FHIT: variants seen among roughly 807,000 people sequenced by gnomAD.
FHIT encodes the protein fragile histidine triad diadenosine triphosphatase.
In FHIT, 19 loss-of-function variants were observed where a neutral mutation model predicts 17.9. That is an observed-to-expected ratio of 1.06 (90% CI 0.74 to 1.56). The LOEUF (loss-of-function observed/expected upper bound fraction) is 1.56. FHIT is among the 40% of genes most tolerant of loss of function. The pLI, the probability that FHIT is intolerant of heterozygous loss-of-function variation, is 0.00. For missense variants in FHIT, 248 were observed against 189.2 expected, an observed-to-expected ratio of 1.31 and a Z score of -1.82; for synonymous variants, 81 against 69.7, an observed-to-expected ratio of 1.16 and a Z score of -0.81.
Position 60,357,202 on chromosome 3 carries a change from T to C in FHIT, c.103+179658A>G, listed in dbSNP as rs190458778. 8.4e-3 allele frequency among the ~76,000 whole-genome samples: 1,264 copies of C among 150,702 alleles called. 14 individuals are homozygous for C. Among genetic ancestry groups the C allele is most frequent in the African/African-American group, 0.03 (1,220 of 40,124 alleles). ...CCAGGCAAACACTGGAGATCACTTG[T>C]TTTTTGTTTGTTTGTTTGTTTCTGA... On this transcript the variant is annotated intron_variant, in intron 5 of 9. Coordinates refer to ENST00000492590, the MANE Select transcript of FHIT (RefSeq NM_002012.4).
At chr3:60,158,324 CTT>C (rs796776481) in intron 5 of FHIT, among the ~76,000 whole-genome samples, 11 of 146,638 alleles carry the variant, frequency 7.5e-5, no homozygotes, top group Admixed American at 1.4e-4. Context: ...ATTTCTCTCT[CTT>C]TTTTTTTTTT....
intron 5 of FHIT, among the ~76,000 whole-genome samples, chr3:60,441,583 C>T (rs560876775): frequency 6.0e-5 from 9 of 150,340 alleles, no homozygotes; most frequent in African/African-American, 2.2e-4. Context: ...AGAGACACAC[C>T]TTTAGAAAGA....
intron 4 of FHIT, among the ~76,000 whole-genome samples, chr3:60,708,163 G>T (rs79944090): frequency 0.038 from 5,828 of 152,250 alleles, 147 homozygotes; most frequent in East Asian, 0.095. Context: ...AGTAATTATG[G>T]AATTAGTATC....
intron 1 of FHIT, among the ~76,000 whole-genome samples, chr3:61,230,577 A>G (rs2040075517): frequency 6.6e-6 from 1 of 152,136 alleles, no homozygotes; most frequent in Admixed American, 6.6e-5. Context: ...GCCTAATATC[A>G]TCACACACTT....
chr3:60,332,843 C>T (rs1258407234), intron 5 of FHIT, among the ~76,000 whole-genome samples: 1 of 152,174 alleles, frequency 6.6e-6, no homozygotes, highest in African/African-American at 2.4e-5. Context: ...GAGATGCTAT[C>T]ACAGCCAACT....
intron 8 of FHIT, among the ~76,000 whole-genome samples, chr3:59,847,742 G>A (rs1325929608): frequency 6.6e-6 from 1 of 152,092 alleles, no homozygotes; most frequent in African/African-American, 2.4e-5. Context: ...TAGGGTTGCT[G>A]GTATTTGTTT....
rs367949261 is a variant in FHIT at position 61,057,684 on chromosome 3, G to A, written c.-163-15585C>T. 1.1e-4 allele frequency among the ~76,000 whole-genome samples: 17 copies of A among 152,288 alleles called. 1 individual carries two copies. The highest frequency in any genetic ancestry group is 3.8e-4 in the African/African-American group (16 of 41,560). On this transcript the variant is annotated intron_variant, in intron 2 of 9. Transcript: ENST00000492590. Reference sequence around the variant, plus strand: ...ACATTAAATGTGGAAAGTATGTGGCGGGGGAGAGAGGGTGAAGAAGCTATA... The same window carrying A: ...ACATTAAATGTGGAAAGTATGTGGCAGGGGAGAGAGGGTGAAGAAGCTATA...
At chr3:60,329,882 C>T (rs139303617) in intron 5 of FHIT, among the ~76,000 whole-genome samples, 177 of 152,276 alleles carry the variant, frequency 1.2e-3, no homozygotes, top group African/African-American at 4.1e-3. Flanking sequence ...TTCTACAGAA[C>T]TTTGAAAAAG....
intron 3 of FHIT, among the ~76,000 whole-genome samples, chr3:60,903,795 C>A (rs1417695993): frequency 2.0e-5 from 3 of 152,140 alleles, no homozygotes; most frequent in Middle Eastern, 3.2e-3. Context: ...GTACATCTGG[C>A]ATCAAGATGG....
At chr3:60,559,744 A>T (rs1327620605) in intron 4 of FHIT, among the ~76,000 whole-genome samples, 1 of 104,016 alleles carries the variant, frequency 9.6e-6, no homozygotes, top group Non-Finnish European at 2.1e-5. Context: ...AGAAGATGAG[A>T]AAAAGCATGT....
At chr3:59,991,720 G>C (rs112408640) in intron 7 of FHIT, among the ~76,000 whole-genome samples, 203 of 152,102 alleles carry the variant, frequency 1.3e-3, no homozygotes, top group African/African-American at 4.4e-3. Context: ...CTCAGACCCT[G>C]CAACTGCTCA....
At chr3:61,019,626 G>T (rs112145206) in intron 3 of FHIT, among the ~76,000 whole-genome samples, 1 of 152,082 alleles carries the variant, frequency 6.6e-6, no homozygotes, top group Non-Finnish European at 1.5e-5. Flanking sequence ...GTAATATAAC[G>T]CTATATAGCA....
chr3:60,597,466 G>C (rs1201411865), intron 4 of FHIT, among the ~76,000 whole-genome samples: 1 of 152,074 alleles, frequency 6.6e-6, no homozygotes, highest in African/African-American at 2.4e-5. Flanking sequence ...TAGTTTTTCA[G>C]ACTCAGTTCT....
At chr3:59,899,769 C>G (rs572376608) in intron 8 of FHIT, among the ~76,000 whole-genome samples, 2 of 152,084 alleles carry the variant, frequency 1.3e-5, no homozygotes, top group African/African-American at 4.8e-5. Flanking sequence ...CTGCTTGAAC[C>G]CGGGAGGCGG....
At position 59,970,236 on chromosome 3, in the gene FHIT, G is replaced by C. The variant is rs139089355; in HGVS notation, c.279+41135C>G. Among the ~76,000 whole-genome samples the C allele has an allele frequency of 2.8e-3, 422 of 152,184 alleles. 2 individuals are homozygous for C. The highest frequency in any genetic ancestry group is 9.7e-3 in the African/African-American group (405 of 41,542). On this transcript the variant is annotated intron_variant, in intron 7 of 9. Coordinates refer to ENST00000492590, the MANE Select transcript of FHIT (RefSeq NM_002012.4). ...AAAAAACGGCTTTAAAAGAATTTAG[G>C]TCTTTAAGGGGGAAAATATGAGAGC...
intron 5 of FHIT, among the ~76,000 whole-genome samples, chr3:60,230,349 G>A (rs1321148893): frequency 2.0e-5 from 3 of 152,104 alleles, no homozygotes; most frequent in Admixed American, 6.5e-5. Context: ...AAGAGATTTG[G>A]TATCCAAGTG....
At chr3:60,603,830 T>C (rs2038522237) in intron 4 of FHIT, among the ~76,000 whole-genome samples, 1 of 152,172 alleles carries the variant, frequency 6.6e-6, no homozygotes, top group Non-Finnish European at 1.5e-5. Context: ...GTTTCATTTT[T>C]GTAAATAGAT....
intron 3 of FHIT, among the ~76,000 whole-genome samples, chr3:60,855,087 C>T (rs1703327119): frequency 6.6e-6 from 1 of 152,110 alleles, no homozygotes. Flanking sequence ...TCTTAGAACA[C>T]CATTTAGAAG....
At chr3:60,469,627 T>C (rs1336988290) in intron 5 of FHIT, among the ~76,000 whole-genome samples, 2 of 151,874 alleles carry the variant, frequency 1.3e-5, no homozygotes, top group African/African-American at 4.8e-5. Context: ...AGCTCACATA[T>C]CTCTCTCTCT....
Sources: gnomAD v4.1 joint callset for allele counts (sites outside exome capture counted in the v4.1 genomes callset) on GRCh38, gnomAD v4.1.1 for gene constraint, MANE v1.5 for transcripts, NCBI Gene and HGNC (gene_info 2026-07-23, HGNC 2026-07-21) for gene names.